Variants in SAMD4A observed in about 807,000 individuals in gnomAD.
SAMD4A encodes the protein protein Smaug homolog 1.
SAMD4A carries 33 observed loss-of-function variants against 81.3 expected under a neutral mutation model. That is an observed-to-expected ratio of 0.41 (90% CI 0.31 to 0.54). The LOEUF is 0.54. Among genes scored for constraint, SAMD4A ranks in the 20% least tolerant of loss-of-function variants. The pLI is 0.37. For synonymous variants in SAMD4A, 389 were observed against 382.1 expected (o/e 1.02, Z -0.21); for missense variants, 854 against 951.1 (o/e 0.90, Z 1.34).
intron 2 of SAMD4A, among the ~76,000 whole-genome samples, chr14:54,601,162 G>A (rs2034043399): frequency 6.6e-6 from 1 of 152,138 alleles, no homozygotes; most frequent in African/African-American, 2.4e-5. Flanking sequence ...TTATGAAATT[G>A]AGAATTCATA....
intron 2 of SAMD4A, among the ~76,000 whole-genome samples, chr14:54,678,884 C>A (rs1200048688): frequency 1.3e-5 from 2 of 152,290 alleles, no homozygotes; most frequent in Non-Finnish European, 2.9e-5. Context: ...TGAAACCCTG[C>A]ATAATCCCAG....
intron 2 of SAMD4A, among the ~76,000 whole-genome samples, chr14:54,690,246 G>C (rs1276291473): frequency 2.6e-5 from 4 of 152,056 alleles, no homozygotes; most frequent in Non-Finnish European, 5.9e-5. Flanking sequence ...ATGGCATTTG[G>C]GGAGAGAGGT....
chr14:54,705,336 C>A (rs1372204858), intron 3 of SAMD4A, among the ~76,000 whole-genome samples: 1 of 152,102 alleles, frequency 6.6e-6, no homozygotes, highest in Non-Finnish European at 1.5e-5. Flanking sequence ...TTCTAAGGGG[C>A]CTTGAATATG....
intron 2 of SAMD4A, chr14:54,685,818 G>A (rs1434323241): frequency 2.2e-6 from 1 of 456,622 alleles, no homozygotes; most frequent in Non-Finnish European, 4.4e-6. Flanking sequence ...ATTGAGGTAT[G>A]CATCCGAAGG....
intron 6 of SAMD4A, among the ~76,000 whole-genome samples, chr14:54,752,797 C>T (rs954080017): frequency 3.3e-5 from 5 of 152,074 alleles, no homozygotes; most frequent in Admixed American, 6.5e-5. Flanking sequence ...TTACTATCTT[C>T]GTTATTTCAG....
intron 5 of SAMD4A, among the ~76,000 whole-genome samples, chr14:54,749,953 C>A (rs1268990846): frequency 6.6e-6 from 1 of 152,194 alleles, no homozygotes; most frequent in African/African-American, 2.4e-5. Flanking sequence ...GGCGGACTCC[C>A]AATATGGAGA....
chr14:54,630,967 G>A (rs1021018094), intron 2 of SAMD4A, among the ~76,000 whole-genome samples: 2 of 143,970 alleles, frequency 1.4e-5, no homozygotes, highest in South Asian at 2.2e-4. Context: ...ATGAGAAATC[G>A]GCTCACATGT....
chr14:54,785,680 A>C (rs2039122851), intron 12 of SAMD4A, among the ~76,000 whole-genome samples: 1 of 152,226 alleles, frequency 6.6e-6, no homozygotes, highest in South Asian at 2.1e-4. Context: ...CTGCTGCTTC[A>C]GAGAGCCTTG....
chr14:54,730,438 C>T (rs190088515), intron 3 of SAMD4A, among the ~76,000 whole-genome samples: 1 of 152,318 alleles, frequency 6.6e-6, no homozygotes, highest in Admixed American at 6.5e-5. Context: ...TTGGGCTTGT[C>T]AGGAACATCC....
chr14:54,779,181 T>C (rs1463408598), intron 11 of SAMD4A, among the ~76,000 whole-genome samples: 2 of 152,212 alleles, frequency 1.3e-5, no homozygotes, highest in Admixed American at 1.3e-4. Flanking sequence ...TGGTTCGCTA[T>C]GGAGACTTCC....
At chr14:54,658,927 C>G (rs1235399661) in intron 2 of SAMD4A, among the ~76,000 whole-genome samples, 2 of 152,202 alleles carry the variant, frequency 1.3e-5, no homozygotes, top group Non-Finnish European at 2.9e-5. Context: ...AGAATCAGGG[C>G]CAGGCTTGTG....
At chr14:54,700,901 G>A (rs2036697407) in intron 2 of SAMD4A, 1 of 152,054 alleles carries the variant, frequency 6.6e-6, no homozygotes, top group African/African-American at 2.4e-5. Context: ...CTTCTCTGTG[G>A]TACCTAGAGT....
chr14:54,682,720 T>C lies in SAMD4A; in HGVS notation c.197-19342T>C, dbSNP rs141736855. 2.1e-4 allele frequency among the ~76,000 whole-genome samples: 32 copies of C among 152,238 alleles called. 1 individual carries two copies. In the East Asian group the frequency reaches 5.8e-3, roughly 27 times the overall value. ...TGTCCTCAAAACAGTAAAAAGATAA[T>C]GCAGTGGAAGATGAACATGTACCAA... On this transcript the variant is annotated intron_variant, in intron 2 of 12. Coordinates refer to ENST00000554335, the MANE Select transcript of SAMD4A (RefSeq NM_015589.6).
intron 2 of SAMD4A, among the ~76,000 whole-genome samples, chr14:54,626,059 T>TGTGTGTGTGCGCGCGCGC (rs368142521): frequency 9.8e-6 from 1 of 102,096 alleles, no homozygotes; most frequent in Non-Finnish European, 2.0e-5. Flanking sequence ...TGTGTGTGTG[T>TGTGTGTGTGCGCGCGCGC]GCGCGCGCGC....
chr14:54,589,350 G>A (rs2033713090), intron 2 of SAMD4A, among the ~76,000 whole-genome samples: 1 of 152,100 alleles, frequency 6.6e-6, no homozygotes, highest in South Asian at 2.1e-4. Context: ...AAAGCCTCAT[G>A]TTTTTACTCC....
chr14:54,603,678 CAT>C (rs1001706443), intron 2 of SAMD4A, among the ~76,000 whole-genome samples: 2 of 151,720 alleles, frequency 1.3e-5, no homozygotes, highest in Non-Finnish European at 2.9e-5. Context: ...GACTGCTGTA[CAT>C]GAGTCATTCA....
At chr14:54,637,627 G>C (rs995361555) in intron 2 of SAMD4A, among the ~76,000 whole-genome samples, 1 of 152,144 alleles carries the variant, frequency 6.6e-6, no homozygotes, top group East Asian at 1.9e-4. Flanking sequence ...AAAGAGCCTC[G>C]TGGACACAGA....
intron 2 of SAMD4A, among the ~76,000 whole-genome samples, chr14:54,584,145 T>C (rs1023862196): frequency 3.9e-5 from 6 of 152,218 alleles, no homozygotes; most frequent in Non-Finnish European, 7.3e-5. Context: ...AAAAGATGGT[T>C]CTATACATGT....
chr14:54,673,022 T>C (rs1052290231), intron 2 of SAMD4A, among the ~76,000 whole-genome samples: 7 of 152,208 alleles, frequency 4.6e-5, no homozygotes. Flanking sequence ...TTCTCGAAGG[T>C]TACCTTGCAG....
Sources: allele counts gnomAD v4.1 joint callset (sites outside exome capture counted in the v4.1 genomes callset), GRCh38; gene constraint gnomAD v4.1.1; transcripts MANE v1.5; gene names NCBI Gene and HGNC (gene_info 2026-07-23, HGNC 2026-07-21).